The following CADPS2 variants were observed in gnomAD, a reference collection of about 807,000 sequenced individuals.
CADPS2 encodes the protein calcium dependent secretion activator 2.
A neutral mutation model predicts 172.5 loss-of-function variants in CADPS2; 93 were observed. That is an observed-to-expected ratio of 0.54 (90% CI 0.46 to 0.64). CADPS2 has a LOEUF of 0.64. Ranked by LOEUF, CADPS2 falls within the 30% of genes least tolerant of loss-of-function variation. CADPS2 has a pLI of 0.00. For missense variants in CADPS2, 1,420 were observed against 1,565.9 expected (o/e 0.91, Z 1.57); for synonymous variants, 546 against 555.2 (o/e 0.98, Z 0.23).
intron 1 of CADPS2, among the ~76,000 whole-genome samples, chr7:122,750,021 A>C (rs1239346003): frequency 6.6e-6 from 1 of 152,082 alleles, no homozygotes; most frequent in Non-Finnish European, 1.5e-5. Context: ...GGGACAAGAA[A>C]ATGGAAGTTT....
chr7:122,645,609 C>T (rs1253976594), intron 3 of CADPS2, among the ~76,000 whole-genome samples: 1 of 131,824 alleles, frequency 7.6e-6, no homozygotes, highest in East Asian at 2.2e-4. Flanking sequence ...TATATATACA[C>T]ACACACTAAG....
chr7:122,454,389 T>C (rs919838287), intron 14 of CADPS2, among the ~76,000 whole-genome samples: 8 of 152,170 alleles, frequency 5.3e-5, no homozygotes, highest in South Asian at 2.1e-4. Context: ...CCTAGGTCTC[T>C]TGCCCTCCAA....
At chr7:122,796,890 C>T (rs1796491876) in intron 1 of CADPS2, among the ~76,000 whole-genome samples, 2 of 151,962 alleles carry the variant, frequency 1.3e-5, no homozygotes, top group African/African-American at 4.8e-5. Flanking sequence ...AACTAAACAG[C>T]CTCTGCACAG....
intron 17 of CADPS2, chr7:122,421,006 C>T (rs956086995): frequency 1.3e-5 from 2 of 152,200 alleles, no homozygotes; most frequent in Non-Finnish European, 2.9e-5. Context: ...GGGCATATCT[C>T]CTGGCACACT....
chr7:122,471,798 T>C (rs998955732), intron 13 of CADPS2, among the ~76,000 whole-genome samples: 1 of 152,168 alleles, frequency 6.6e-6, no homozygotes, highest in East Asian at 1.9e-4. Context: ...GGGTAACTTG[T>C]GCCTCTCCAA....
intron 8 of CADPS2, among the ~76,000 whole-genome samples, chr7:122,534,399 A>C (rs17144531): frequency 0.098 from 14,898 of 152,108 alleles, 858 homozygotes; most frequent in African/African-American, 0.15. Flanking sequence ...AAGTAACTAC[A>C]CAGAGGAGAG....
At chr7:122,389,251 G>C (rs2044075059) in intron 22 of CADPS2, among the ~76,000 whole-genome samples, 1 of 152,004 alleles carries the variant, frequency 6.6e-6, no homozygotes, top group Non-Finnish European at 1.5e-5. Flanking sequence ...ACAGGAACTG[G>C]AAATAAAACG....
chr7:122,557,833 G>C (rs973915427), intron 7 of CADPS2, among the ~76,000 whole-genome samples: 16 of 152,260 alleles, frequency 1.1e-4, no homozygotes, highest in African/African-American at 3.6e-4. Context: ...CCAACAACCA[G>C]GTTTTCTAGC....
intron 23 of CADPS2, among the ~76,000 whole-genome samples, chr7:122,387,538 T>G (rs953582851): frequency 2.0e-5 from 3 of 152,082 alleles, no homozygotes; most frequent in African/African-American, 7.2e-5. Context: ...CACACTTGTA[T>G]GCATTTAAGC....
chr7:122,396,776 T>C (rs972439112), intron 20 of CADPS2, among the ~76,000 whole-genome samples: 3 of 152,188 alleles, frequency 2.0e-5, no homozygotes, highest in Middle Eastern at 3.2e-3. Context: ...GTTCTTGTCA[T>C]ACAAGTGGTC....
intron 4 of CADPS2, among the ~76,000 whole-genome samples, chr7:122,627,547 T>C (rs2134129022): frequency 6.6e-6 from 1 of 152,264 alleles, no homozygotes; most frequent in East Asian, 1.9e-4. Context: ...ACTAACCCTT[T>C]CTTCTGACTC....
chr7:122,555,113 CTCATGTTTTAA>C (rs1251842985), intron 7 of CADPS2, among the ~76,000 whole-genome samples: 2 of 151,974 alleles, frequency 1.3e-5, no homozygotes, highest in African/African-American at 4.8e-5. Context: ...ACAAATATGC[CTCATGTTTTAA>C]TATTATCATT....
At chr7:122,330,699 C>T (rs1469749922) in intron 28 of CADPS2, 1 of 152,174 alleles carries the variant, frequency 6.6e-6, no homozygotes, top group Non-Finnish European at 1.5e-5. Flanking sequence ...CAACCTATGC[C>T]AATCAACATT....
intron 3 of CADPS2, among the ~76,000 whole-genome samples, chr7:122,630,199 C>A (rs773794031): frequency 6.6e-6 from 1 of 152,044 alleles, no homozygotes; most frequent in African/African-American, 2.4e-5. Flanking sequence ...TCTAAAGATT[C>A]GATTGAGTAT....
intron 1 of CADPS2, among the ~76,000 whole-genome samples, chr7:122,768,699 G>C (rs536181435): frequency 6.6e-6 from 1 of 152,190 alleles, no homozygotes; most frequent in East Asian, 1.9e-4. Flanking sequence ...TGGATAATTA[G>C]ATAAGTAATA....
chr7:122,541,746 T>C lies in CADPS2; in HGVS notation c.1475+12804A>G, dbSNP rs1266914029. Among the ~76,000 whole-genome samples, 179 of 145,138 alleles carry C rather than the reference T, an allele frequency of 1.2e-3. 1 individual carries two copies. The highest frequency in any genetic ancestry group is 4.3e-3 in the African/African-American group (171 of 39,750). On this transcript the variant is annotated intron_variant, in intron 8 of 29. Coordinates refer to ENST00000449022, the MANE Select transcript of CADPS2 (RefSeq NM_017954.11). ...ATTCATATATATTTATTCATATATT[T>C]ACATATATTCATATATTTATATATT...
chr7:122,575,999 T>C (rs2132675434), intron 7 of CADPS2, among the ~76,000 whole-genome samples: 1 of 152,262 alleles, frequency 6.6e-6, no homozygotes, highest in Admixed American at 6.5e-5. Context: ...GAATTCCAGA[T>C]TTTATTTGGA....
intron 1 of CADPS2, among the ~76,000 whole-genome samples, chr7:122,763,947 T>C (rs532880509): frequency 6.6e-6 from 1 of 152,174 alleles, no homozygotes; most frequent in Non-Finnish European, 1.5e-5. Flanking sequence ...ATTTGTTTCA[T>C]TGACATATCC....
chr7:122,692,770 C>T (rs568528539), intron 2 of CADPS2, among the ~76,000 whole-genome samples: 3 of 152,342 alleles, frequency 2.0e-5, no homozygotes, highest in East Asian at 1.9e-4. Context: ...CACTCGGGGC[C>T]GTAAGCAGGT....
Sources: allele counts gnomAD v4.1 joint callset (sites outside exome capture counted in the v4.1 genomes callset), GRCh38; gene constraint gnomAD v4.1.1; transcripts MANE v1.5; gene names NCBI Gene and HGNC (gene_info 2026-07-23, HGNC 2026-07-21).